ACVR2A: variants seen among roughly 807,000 people sequenced by gnomAD.
The protein encoded by ACVR2A is activin receptor type-2A.
In ACVR2A, 7 loss-of-function variants were observed where a neutral mutation model predicts 61.4. The ratio of observed to expected loss-of-function variants is 0.11; its 90% confidence interval spans 0.06 to 0.21. The LOEUF is 0.21. ACVR2A is among the 10% of genes least tolerant of loss of function. The pLI is 1.00. For synonymous variants in ACVR2A, 193 were observed against 208.3 expected, an observed-to-expected ratio of 0.93 and a Z score of 0.63; for missense variants, 322 against 621.7, an observed-to-expected ratio of 0.52 and a Z score of 5.13.
chr2:147,881,600 T>TGTG (rs1325584960), intron 1 of ACVR2A, among the ~76,000 whole-genome samples: 2 of 116,338 alleles, frequency 1.7e-5, no homozygotes, highest in East Asian at 2.6e-4. Flanking sequence ...AAGAAGCTGC[T>TGTG]TAGTGTGTGT....
In ACVR2A at chr2:147,927,501, A is replaced by AAGAT; in HGVS notation, c.*230_*231insTAGA. 1 of 398,136 alleles carries AAGAT rather than the reference A, an allele frequency of 2.5e-6. No homozygotes were observed. Among genetic ancestry groups the AAGAT allele is most frequent in the South Asian group, 5.8e-5 (1 of 17,126 alleles). 24.7% of individuals were successfully genotyped at this position (398,136 alleles called of 1,614,324 possible). ...TAAGAGAAACCTTGCAAACTCTATA[A>AAGAT]AGAAACTTTTGAAAAAGTGTACATG... On this transcript the variant is annotated 3_prime_UTR_variant, in exon 11 of 11. Coordinates refer to ENST00000241416, the MANE Select transcript of ACVR2A (RefSeq NM_001616.5).
At chr2:147,866,454 C>T (rs537295935) in intron 1 of ACVR2A, among the ~76,000 whole-genome samples, 6 of 152,146 alleles carry the variant, frequency 3.9e-5, no homozygotes, top group African/African-American at 7.2e-5. Context: ...GTTCAGGGAC[C>T]GTACTTTCAG....
intron 7 of ACVR2A, 77 bp from the exon 8 acceptor site, chr2:147,920,150 TCCC>T: frequency 1.1e-6 from 1 of 886,502 alleles, no homozygotes; most frequent in African/African-American, 1.7e-5. Flanking sequence ...GTGTACATAT[TCCC>T]CCTTTTCTGC....
At chr2:147,874,687 A>G (rs1307640468) in intron 1 of ACVR2A, among the ~76,000 whole-genome samples, 2 of 151,990 alleles carry the variant, frequency 1.3e-5, no homozygotes, top group Non-Finnish European at 2.9e-5. Flanking sequence ...TTGGAGAACC[A>G]CTAGAATGGA....
rs1003995729 is a variant in ACVR2A, at chr2:147,857,155, A to T, written c.55+11948A>T. On this transcript the variant is annotated intron_variant, in intron 1 of 10. Coordinates refer to ENST00000241416, the MANE Select transcript of ACVR2A (RefSeq NM_001616.5). ...AGTAAAAGTAAAAGGTTAGGGTCAGAGAAGAAGGGTGGTTATACTTTATTT... is the reference window on the plus strand; with the variant it reads ...AGTAAAAGTAAAAGGTTAGGGTCAGTGAAGAAGGGTGGTTATACTTTATTT... Among the ~76,000 whole-genome samples the T allele has an allele frequency of 3.9e-5, 6 of 152,276 alleles. No homozygotes were observed. The South Asian group carries it at 6.2e-4, about 16-fold the overall frequency.
intron 1 of ACVR2A, among the ~76,000 whole-genome samples, chr2:147,861,048 C>G (rs1685714646): frequency 1.3e-5 from 2 of 152,126 alleles, no homozygotes; most frequent in African/African-American, 4.8e-5. Flanking sequence ...TAAGGGTAAC[C>G]TACTTTACAC....
Position 147,872,050 on chromosome 2 carries a change from C to A in ACVR2A, c.56-24251C>A, listed in dbSNP as rs149985069. Among the ~76,000 whole-genome samples the A allele has an allele frequency of 1.6e-3, 251 of 152,152 alleles. 2 individuals carry two copies. Among genetic ancestry groups the A allele is most frequent in the African/African-American group, 5.7e-3 (238 of 41,552 alleles). On this transcript the variant is annotated intron_variant, in intron 1 of 10. Coordinates refer to ENST00000241416, the MANE Select transcript of ACVR2A (RefSeq NM_001616.5). ...CCCAACATAGTGACAAACCTGATCACGTATTTTCCATTTTCTCCTTTGAGT... is the reference window on the plus strand; with the variant it reads ...CCCAACATAGTGACAAACCTGATCAAGTATTTTCCATTTTCTCCTTTGAGT...
At chr2:147,896,906 G>T in intron 2 of ACVR2A, 1 of 157,980 alleles carries the variant, frequency 6.3e-6, no homozygotes, top group Non-Finnish European at 1.4e-5. Context: ...TTTTCTTTCA[G>T]TTTCCTTCTT....
intron 1 of ACVR2A, among the ~76,000 whole-genome samples, chr2:147,888,115 C>T (rs765052714): frequency 3.9e-5 from 6 of 152,088 alleles, no homozygotes; most frequent in Non-Finnish European, 7.4e-5. Context: ...TTGTCAAAAA[C>T]GAATTAGACG....
intron 1 of ACVR2A, among the ~76,000 whole-genome samples, chr2:147,866,331 T>C (rs1484688223): frequency 6.6e-6 from 1 of 152,192 alleles, no homozygotes; most frequent in East Asian, 1.9e-4. Flanking sequence ...CCAGCTTTAA[T>C]ATGCATAGGA....
At chr2:147,877,046 A>T (rs1003649788) in intron 1 of ACVR2A, among the ~76,000 whole-genome samples, 4 of 151,988 alleles carry the variant, frequency 2.6e-5, no homozygotes, top group African/African-American at 9.7e-5. Context: ...ACACGTCTTG[A>T]TCGCAGGATT....
chr2:147,881,296 G>T (rs915025932), intron 1 of ACVR2A, among the ~76,000 whole-genome samples: 12 of 152,112 alleles, frequency 7.9e-5, no homozygotes, highest in African/African-American at 2.4e-4. Context: ...TAAAATCAGT[G>T]TCTTTATTCT....
intron 1 of ACVR2A, among the ~76,000 whole-genome samples, chr2:147,880,663 G>A (rs954969703): frequency 5.1e-4 from 77 of 152,190 alleles, no homozygotes; most frequent in Middle Eastern, 3.4e-3. Flanking sequence ...TTTGAAAATT[G>A]AGCTTCTCAT....
chr2:147,873,368 A>G (rs995715597), intron 1 of ACVR2A, among the ~76,000 whole-genome samples: 6 of 152,038 alleles, frequency 3.9e-5, no homozygotes, highest in African/African-American at 1.4e-4. Flanking sequence ...ATTTCAATGC[A>G]TAATCAATAT....
chr2:147,869,107 G>T (rs766180201), intron 1 of ACVR2A, among the ~76,000 whole-genome samples: 1 of 152,048 alleles, frequency 6.6e-6, no homozygotes, highest in Non-Finnish European at 1.5e-5. Flanking sequence ...TTCTCTCAGA[G>T]ATAATTATTT....
intron 1 of ACVR2A, among the ~76,000 whole-genome samples, chr2:147,869,596 G>A (rs1685960156): frequency 6.6e-6 from 1 of 152,062 alleles, no homozygotes; most frequent in Admixed American, 6.5e-5. Flanking sequence ...AGAAAGCTGT[G>A]GCCTATGCTT....
Position 147,927,496 on chromosome 2 carries a change from CTA to C in ACVR2A, c.*225_*226del. 2.4e-6 allele frequency: 1 copy of C among 410,606 alleles called. No homozygotes were observed. Among genetic ancestry groups the C allele is most frequent in the Non-Finnish European group, 4.2e-6 (1 of 235,778 alleles). 25.4% of individuals were successfully genotyped at this position (410,606 alleles called of 1,614,324 possible). A position where few individuals can be genotyped will look rare whatever the true frequency, so the allele number is the denominator to read the frequency against. Reference sequence around the variant, plus strand: ...GAGACTAAGAGAAACCTTGCAAACTCTATAAAGAAACTTTTGAAAAAGTGTAC... The same window carrying C: ...GAGACTAAGAGAAACCTTGCAAACTCTAAAGAAACTTTTGAAAAAGTGTAC... On this transcript the variant is annotated 3_prime_UTR_variant, in exon 11 of 11. Coordinates refer to ENST00000241416, the MANE Select transcript of ACVR2A (RefSeq NM_001616.5).
intron 1 of ACVR2A, among the ~76,000 whole-genome samples, chr2:147,875,272 CAATT>C (rs1412137740): frequency 1.3e-5 from 2 of 151,898 alleles, no homozygotes; most frequent in Admixed American, 6.6e-5. Flanking sequence ...CTTCTGCTCT[CAATT>C]AATGATAAAA....
At position 147,930,513 on chromosome 2, in the gene ACVR2A, T is replaced by C. The variant is rs1687657266; in HGVS notation, c.*3239T>C. The C allele has an allele frequency of 6.6e-6, 1 of 152,616 alleles. No homozygotes were observed. The highest frequency in any genetic ancestry group is 2.4e-5 in the African/African-American group (1 of 41,542). 9.5% of individuals were successfully genotyped at this position (152,616 alleles called of 1,614,324 possible). A position where few individuals can be genotyped will look rare whatever the true frequency, so the allele number is the denominator to read the frequency against. ...CAAAATGATACAAGTAGCATCTTGATTGAACATCATTTACCTCAGATATTC... is the reference window on the plus strand; with the variant it reads ...CAAAATGATACAAGTAGCATCTTGACTGAACATCATTTACCTCAGATATTC... On this transcript the variant is annotated 3_prime_UTR_variant, in exon 11 of 11. Coordinates refer to ENST00000241416, the MANE Select transcript of ACVR2A (RefSeq NM_001616.5).
Sources: gnomAD v4.1 joint callset for allele counts (sites outside exome capture counted in the v4.1 genomes callset) on GRCh38, gnomAD v4.1.1 for gene constraint, MANE v1.5 for transcripts, NCBI Gene and HGNC (gene_info 2026-07-23, HGNC 2026-07-21) for gene names.